Variants in ATG2B observed in about 807,000 individuals in gnomAD.
ATG2B encodes autophagy-related protein 2 homolog B.
ATG2B carries 121 observed loss-of-function variants against 241.3 expected under a neutral mutation model. The ratio of observed to expected loss-of-function variants is 0.50; its 90% confidence interval spans 0.43 to 0.58. ATG2B has a LOEUF of 0.58. ATG2B is among the 20% of genes least tolerant of loss of function. The pLI is 0.00. For missense variants in ATG2B, 2,306 were observed against 2,491.6 expected, an observed-to-expected ratio of 0.93 and a Z score of 1.59; for synonymous variants, 858 against 876.6, an observed-to-expected ratio of 0.98 and a Z score of 0.37.
At chr14:96,306,307 T>C (rs1195043432) in intron 30 of ATG2B, among the ~76,000 whole-genome samples, 5 of 150,886 alleles carry the variant, frequency 3.3e-5, no homozygotes, top group African/African-American at 1.2e-4. Flanking sequence ...CAAATACACA[T>C]ACACACACAC....
At chr14:96,353,155 C>T (rs1421480647) in intron 1 of ATG2B, among the ~76,000 whole-genome samples, 1 of 152,104 alleles carries the variant, frequency 6.6e-6, no homozygotes, top group Non-Finnish European at 1.5e-5. Context: ...TACCCTATAG[C>T]CTAGGTATAC....
intron 1 of ATG2B, among the ~76,000 whole-genome samples, chr14:96,352,607 TAAAAATTAAAAAA>T (rs1459036229): frequency 2.6e-5 from 4 of 151,250 alleles, no homozygotes; most frequent in East Asian, 1.9e-4. Context: ...CAAAAAAGTT[TAAAAATTAAAAAA>T]AAAAATTAAA....
At chr14:96,352,931 C>G (rs1406401062) in intron 1 of ATG2B, among the ~76,000 whole-genome samples, 1 of 152,204 alleles carries the variant, frequency 6.6e-6, no homozygotes, top group East Asian at 1.9e-4. Flanking sequence ...CTGACTCACT[C>G]AGAGGAATTT....
At chr14:96,349,826 G>A (rs1888266203) in intron 1 of ATG2B, among the ~76,000 whole-genome samples, 1 of 152,142 alleles carries the variant, frequency 6.6e-6, no homozygotes, top group Non-Finnish European at 1.5e-5. Flanking sequence ...CTAGAGCTCA[G>A]GAGAGCCATC....
At chr14:96,316,289 A>G (rs1312347196) in intron 21 of ATG2B, among the ~76,000 whole-genome samples, 1 of 152,212 alleles carries the variant, frequency 6.6e-6, no homozygotes, top group Non-Finnish European at 1.5e-5. Flanking sequence ...GTGAAATACT[A>G]AAAACCACTG....
intron 8 of ATG2B, 25 bp downstream of exon 8, chr14:96,333,663 G>A (rs1264338182): frequency 2.5e-6 from 4 of 1,600,768 alleles, no homozygotes. Context: ...ATATGATTCT[G>A]GTGTCAACAG....
intron 5 of ATG2B, among the ~76,000 whole-genome samples, chr14:96,342,580 G>A (rs1465511364): frequency 6.6e-6 from 1 of 151,862 alleles, no homozygotes; most frequent in African/African-American, 2.4e-5. Context: ...AAATTAGCCG[G>A]GCATGGTAGC....
rs148527262 is a variant in ATG2B, at chr14:96,350,503, A to G, written c.163-3162T>C. Among the ~76,000 whole-genome samples the G allele has an allele frequency of 1.9e-3, 297 of 152,336 alleles. 13 individuals carry two copies. In the South Asian group the frequency reaches 0.042, roughly 21 times the overall value. On this transcript the variant is annotated intron_variant, in intron 1 of 41. Coordinates refer to ENST00000359933, the MANE Select transcript of ATG2B (RefSeq NM_018036.7). ...AAGTACTAGTGATCCCATTAACTGC[A>G]ATTTCAGTGGCATGGTGGAGCAAAC...
chr14:96,283,774 A>G lies in ATG2B; in HGVS notation c.*1981T>C, dbSNP rs1403493726. ...CTTTCCAGAATCTCAGGTAAAGAAC[A>G]TCTTGGCTGAACTGACAACGAATCT... On this transcript the variant is annotated 3_prime_UTR_variant, in exon 42 of 42. Coordinates refer to ENST00000359933, the MANE Select transcript of ATG2B (RefSeq NM_018036.7). 1 of 152,246 alleles carries G rather than the reference A, an allele frequency of 6.6e-6. No homozygotes were observed. The highest frequency in any genetic ancestry group is 2.4e-5 in the African/African-American group (1 of 41,470). The allele number at this position is 152,246 out of a possible 1,614,324, so 9.4% of individuals were successfully genotyped here.
intron 23 of ATG2B, among the ~76,000 whole-genome samples, chr14:96,314,326 A>G (rs1480115263): frequency 6.6e-6 from 1 of 152,230 alleles, no homozygotes; most frequent in Non-Finnish European, 1.5e-5. Context: ...AGGAAAAGCT[A>G]ACTTCTTACT....
At chr14:96,302,979 C>T in intron 33 of ATG2B, 82 bp downstream of exon 33, 3 of 1,048,302 alleles carry the variant, frequency 2.9e-6, no homozygotes, top group Non-Finnish European at 3.9e-6. Context: ...GTAATTTTCC[C>T]TACTTTAACT....
At chr14:96,346,140 A>G (rs148682897) in intron 2 of ATG2B, among the ~76,000 whole-genome samples, 44 of 152,290 alleles carry the variant, frequency 2.9e-4, no homozygotes, top group African/African-American at 9.9e-4. Flanking sequence ...CAGAAGTAGT[A>G]GATGATACAG....
At chr14:96,334,546 A>T in intron 6 of ATG2B, 45 bp from the exon 7 acceptor site, 1 of 1,129,238 alleles carries the variant, frequency 8.9e-7, no homozygotes, top group Admixed American at 2.2e-5. Context: ...ATTCTTTATA[A>T]CCTTATCACC....
chr14:96,311,007 T>C, intron 28 of ATG2B, 110 bp downstream of exon 28: 5 of 998,708 alleles, frequency 5.0e-6, no homozygotes, highest in Non-Finnish European at 7.0e-6. Flanking sequence ...AAAGAACAGA[T>C]GAATGACTTT....
intron 16 of ATG2B, among the ~76,000 whole-genome samples, chr14:96,323,134 T>C (rs541773040): frequency 2.0e-5 from 3 of 152,326 alleles, no homozygotes; most frequent in South Asian, 4.1e-4. Context: ...CCTCATATTA[T>C]ATCAGTTGTT....
chr14:96,292,394 T>C (rs1886510407), intron 36 of ATG2B, among the ~76,000 whole-genome samples: 1 of 152,154 alleles, frequency 6.6e-6, no homozygotes, highest in African/African-American at 2.4e-5. Context: ...TAAAATGTAA[T>C]AAAAACCTTT....
Position 96,323,927 on chromosome 14 carries a change from T to C in ATG2B, c.2509A>G (p.Thr837Ala). The change falls in exon 16 of 42, where the codon ACA (threonine) becomes GCA (alanine). Residue 837 changes from threonine (T) to alanine (A), a missense_variant. Around this residue, in one of 2 missense-constraint regions of ATG2B, gnomAD observed 1,927 missense variants for 2,011.2 expected, o/e 0.96. Coordinates refer to ENST00000359933, the MANE Select transcript of ATG2B (RefSeq NM_018036.7). Reference sequence around the variant, plus strand: ...CAGTCAAAGTCATCTGACGATGTTGTATCTCCATCTACTCCACTAGACACA... The same window carrying C: ...CAGTCAAAGTCATCTGACGATGTTGCATCTCCATCTACTCCACTAGACACA... The part of the protein sequence containing the change: ...FHVSSGVDGD[T>A]TSSDDFDWPR... 1.2e-6 allele frequency: 2 copies of C among 1,612,026 alleles called. No individual in the cohort carries two copies. Among genetic ancestry groups the C allele is most frequent in the Non-Finnish European group, 1.7e-6 (2 of 1,179,174 alleles).
rs547169809 is a variant in ATG2B, at chr14:96,291,289, T to C, written c.5579+311A>G. ...GCTTTGGCATAAGATTAACCCAAAG[T>C]TTCTAAATTGCCAGTAATTGCTACT... On this transcript the variant is annotated intron_variant, in intron 38 of 41. Transcript: ENST00000359933. Among the ~76,000 whole-genome samples, 20 of 152,334 alleles carry C rather than the reference T, an allele frequency of 1.3e-4. No individual in the cohort carries two copies. The South Asian group carries it at 4.1e-3, about 32-fold the overall frequency.
intron 1 of ATG2B, among the ~76,000 whole-genome samples, chr14:96,352,662 TAAAGAA>T (rs138662475): frequency 0.034 from 5,213 of 151,888 alleles, 308 homozygotes; most frequent in African/African-American, 0.12. Context: ...CATAAGAATA[TAAAGAA>T]AAAGTATTTT....
Sources: allele counts gnomAD v4.1 joint callset (sites outside exome capture counted in the v4.1 genomes callset), GRCh38; gene constraint gnomAD v4.1.1; regional missense constraint gnomAD v4.1.1; transcripts MANE v1.5; gene names NCBI Gene and HGNC (gene_info 2026-07-23, HGNC 2026-07-21).